Variants in ISM2 observed in about 807,000 individuals in gnomAD.
ISM2 encodes the protein isthmin-2.
In ISM2, 50 loss-of-function variants were observed where a neutral mutation model predicts 58.0. That is an observed-to-expected ratio of 0.86 (90% CI 0.69 to 1.09). The LOEUF is 1.09. Among genes scored for constraint, ISM2 ranks in the 50% least tolerant of loss-of-function variants. The pLI is 0.00. For synonymous variants in ISM2, 303 were observed against 312.4 expected (o/e 0.97, Z 0.32); for missense variants, 723 against 745.0 (o/e 0.97, Z 0.34).
In ISM2 at chr14:77,478,275, G is replaced by A; in HGVS notation, c.1165C>T (p.Leu389=). 6.2e-7 allele frequency: 1 copy of A among 1,614,196 alleles called. No individual in the cohort carries two copies. The highest frequency in any genetic ancestry group is 8.5e-7 in the Non-Finnish European group (1 of 1,180,022). ...LGLPSEEWKL[L]ARNATDMHDQ... is the part of the protein sequence containing the mutation. The stretch of plus-strand genomic sequence containing the variant: ...TGCATGTCCGTAGCATTGCGGGCCA[G>A]GAGCTTCCACTCCTCACTGGGGAGG... The change falls in exon 6 of 7, where the codon CTG becomes TTG. Residue 389 remains leucine (L), a synonymous_variant. Transcript: ENST00000342219.
Position 77,482,586 on chromosome 14 carries a change from C to T in ISM2, c.709G>A (p.Asp237Asn), listed in dbSNP as rs766367695. Residue 237 changes from aspartate to asparagine, a missense_variant, in exon 4 of 7, where the codon GAT (aspartate) becomes AAT (asparagine). Asp to Asn is a conservative substitution (Grantham distance 23). Coordinates refer to ENST00000342219, the MANE Select transcript of ISM2 (RefSeq NM_199296.3). ...LAEPSNPPPQDTLSWLPALWS... is the reference protein window; with the variant it reads ...LAEPSNPPPQNTLSWLPALWS... ...AGGGCGGGCAGCCAGCTAAGGGTAT[C>T]CTGGGGCGGGGGATTGCTGGGCTCA... 1 of 1,612,418 alleles carries T rather than the reference C, an allele frequency of 6.2e-7. No individual in the cohort carries two copies. The highest frequency in any genetic ancestry group is 1.1e-5 in the South Asian group (1 of 90,802).
rs560034648 is a variant in ISM2, at chr14:77,488,710, G to A, written c.142-3791C>T. ...GCAATGAACGTTACCCAGAGGTGGCGACAGATGGTACTCAGAAGGCAGACA... is the reference window on the plus strand; with the variant it reads ...GCAATGAACGTTACCCAGAGGTGGCAACAGATGGTACTCAGAAGGCAGACA... On this transcript the variant is annotated intron_variant, in intron 1 of 6. Coordinates refer to ENST00000342219, the MANE Select transcript of ISM2 (RefSeq NM_199296.3). Among the ~76,000 whole-genome samples, 14 of 152,284 alleles carry A rather than the reference G, an allele frequency of 9.2e-5. 1 individual carries two copies. In the South Asian group the frequency reaches 1.5e-3, roughly 16 times the overall value.
rs999901814 is a variant in ISM2, at chr14:77,492,479, T to A, written c.141+6174A>T. Among the ~76,000 whole-genome samples the A allele has an allele frequency of 4.0e-5, 6 of 150,556 alleles. No individual in the cohort carries two copies. In the East Asian group the frequency reaches 9.7e-4, roughly 24 times the overall value. The stretch of plus-strand genomic sequence containing the variant: ...AATACCCAAGACAGAGCTGGGTCAC[T>A]CTTTGCCTGTCCAGCACTCAACAAA... On this transcript the variant is annotated intron_variant, in intron 1 of 6. Transcript: ENST00000342219.
chr14:77,484,422 C>T lies in ISM2; in HGVS notation c.528G>A (p.Thr176=), dbSNP rs190117570. Residue 176 remains threonine, a synonymous_variant, in exon 3 of 7, where the codon ACG becomes ACA. Transcript: ENST00000342219. ...GAGTAACCTCCTGGGTCCTGGGAGG[C>T]GTGGCATTCCCTGGGGTCAGGGCTG... ...EPAALTPGNA[T]PPRTQEVTPL... The T allele has an allele frequency of 1.4e-3, 2,303 of 1,590,400 alleles. 11 individuals are homozygous for T. The highest frequency in any genetic ancestry group is 7.9e-3 in the Middle Eastern group (47 of 5,948).
chr14:77,484,067 G>A (rs1479228935), intron 3 of ISM2: 1 of 415,436 alleles, frequency 2.4e-6, no homozygotes, highest in African/African-American at 2.0e-5. Context: ...GGTTGGTGCT[G>A]TTTGTCTCTT....
At chr14:77,498,500 G>T in intron 1 of ISM2, 153 bp downstream of exon 1, 1 of 1,246,782 alleles carries the variant, frequency 8.0e-7, no homozygotes, top group Non-Finnish European at 1.1e-6. Context: ...AACGCCCGGT[G>T]TCCGGGAGCT....
At chr14:77,476,742 G>C (rs1184751027) in intron 6 of ISM2, among the ~76,000 whole-genome samples, 1 of 152,130 alleles carries the variant, frequency 6.6e-6, no homozygotes, top group Non-Finnish European at 1.5e-5. Flanking sequence ...ATCTGACTGA[G>C]GTTCTCTTAA....
chr14:77,490,766 G>C (rs2079198591), intron 1 of ISM2, among the ~76,000 whole-genome samples: 1 of 152,230 alleles, frequency 6.6e-6, no homozygotes. Flanking sequence ...AGATCGGAGA[G>C]GCTGGAGACT....
At chr14:77,493,803 G>A (rs2079221944) in intron 1 of ISM2, among the ~76,000 whole-genome samples, 1 of 151,200 alleles carries the variant, frequency 6.6e-6, no homozygotes, top group African/African-American at 2.4e-5. Flanking sequence ...ATGGAGTCTC[G>A]CTCTGTCGCT....
intron 1 of ISM2, chr14:77,498,143 G>T: frequency 1.5e-6 from 1 of 687,332 alleles, no homozygotes; most frequent in Non-Finnish European, 2.1e-6. Flanking sequence ...CACGAGGACA[G>T]AGCCAGTCTC....
At chr14:77,482,818 T>G (rs1234441852) in intron 3 of ISM2, 151 bp from the exon 4 acceptor site, 3 of 564,476 alleles carry the variant, frequency 5.3e-6, no homozygotes, top group African/African-American at 1.9e-5. Context: ...TTGGCTAACC[T>G]TCCTGGCCTC....
At chr14:77,497,781 A>T (rs370464824) in intron 1 of ISM2, among the ~76,000 whole-genome samples, 9 of 97,336 alleles carry the variant, frequency 9.2e-5, no homozygotes, top group African/African-American at 4.5e-4. Flanking sequence ...GAAGGAAGGA[A>T]GGAAGGAAGG....
intron 1 of ISM2, 132 bp downstream of exon 1, chr14:77,498,515 GCCGGCC>G: frequency 7.7e-7 from 1 of 1,298,678 alleles, no homozygotes; most frequent in Non-Finnish European, 1.0e-6. Flanking sequence ...GGAGCTTCCG[GCCGGCC>G]CCGGCCCCTC....
chr14:77,481,683 T>C (rs1310008651), intron 4 of ISM2, among the ~76,000 whole-genome samples: 2 of 152,206 alleles, frequency 1.3e-5, no homozygotes, highest in East Asian at 3.9e-4. Context: ...TCATGAGTGA[T>C]GGAATTTATA....
At chr14:77,478,469 A>G (rs946900905) in intron 5 of ISM2, 106 bp downstream of exon 5, 48 of 1,475,174 alleles carry the variant, frequency 3.3e-5, no homozygotes, top group Middle Eastern at 4.6e-4. Context: ...CATGTTTTTG[A>G]GCTTCCTGCA....
At chr14:77,493,424 G>A (rs1229037003) in intron 1 of ISM2, among the ~76,000 whole-genome samples, 1 of 152,080 alleles carries the variant, frequency 6.6e-6, no homozygotes, top group Non-Finnish European at 1.5e-5. Flanking sequence ...GGCCTGCCCA[G>A]AGAAGCAGGG....
Position 77,498,729 on chromosome 14 carries a change from TCCAGCAGCGCCG to T in ISM2, c.53_64del (p.Ala18_Leu21del). The T allele has an allele frequency of 6.7e-7, 1 of 1,482,076 alleles. No homozygotes were observed. The highest frequency in any genetic ancestry group is 8.9e-7 in the Non-Finnish European group (1 of 1,124,884). 91.8% of individuals were successfully genotyped at this position (1,482,076 alleles called of 1,614,324 possible). On this transcript the variant is annotated inframe_deletion, in exon 1 of 7. Coordinates refer to ENST00000342219, the MANE Select transcript of ISM2 (RefSeq NM_199296.3). ...CTTCACGGGGAGCCCTAGCGCCGCC[TCCAGCAGCGCCG>T]CCAGCAGCAGCACGCAGAGGAGGAG...
intron 1 of ISM2, among the ~76,000 whole-genome samples, chr14:77,497,572 C>T (rs1045067144): frequency 3.3e-5 from 5 of 150,340 alleles, no homozygotes; most frequent in African/African-American, 7.4e-5. Flanking sequence ...TGCATGCCTG[C>T]GCTCCCAGGT....
rs2079155803 is a variant in ISM2 at position 77,484,670 on chromosome 14, C to T, written c.384+7G>A. 6.2e-7 allele frequency: 1 copy of T among 1,608,862 alleles called. No homozygotes were observed. The highest frequency in any genetic ancestry group is 8.5e-7 in the Non-Finnish European group (1 of 1,178,688). On this transcript the variant is annotated splice_region_variant and intron_variant, in intron 2 of 6. Coordinates refer to ENST00000342219, the MANE Select transcript of ISM2 (RefSeq NM_199296.3). The stretch of plus-strand genomic sequence containing the variant: ...CCAGGAGCTGCTGGCCCTTCTGTAG[C>T]TCTCACCTGGGTATCAGGGTTAGGG...
Sources: allele counts gnomAD v4.1 joint callset (sites outside exome capture counted in the v4.1 genomes callset), GRCh38; gene constraint gnomAD v4.1.1; transcripts MANE v1.5; gene names NCBI Gene and HGNC (gene_info 2026-07-23, HGNC 2026-07-21).